The following CAMKMT variants were observed in gnomAD, a reference collection of about 807,000 sequenced individuals.
The protein encoded by CAMKMT is calmodulin-lysine N-methyltransferase, also known as CaM KMT.
In CAMKMT, 53 loss-of-function variants were observed where a neutral mutation model predicts 48.0. That is an observed-to-expected ratio of 1.10 (90% CI 0.89 to 1.39). The LOEUF is 1.39. Ranked by LOEUF, CAMKMT falls within the 40% of genes most tolerant of loss-of-function variation. The pLI is 0.00. For synonymous variants in CAMKMT, 165 were observed against 152.3 expected, an observed-to-expected ratio of 1.08 and a Z score of -0.61; for missense variants, 428 against 402.7, an observed-to-expected ratio of 1.06 and a Z score of -0.54.
At chr2:44,370,308 G>A (rs1679029827) in intron 1 of CAMKMT, among the ~76,000 whole-genome samples, 1 of 152,156 alleles carries the variant, frequency 6.6e-6, no homozygotes, top group South Asian at 2.1e-4. Context: ...TGGGCCTGGA[G>A]TTTTCTTTGT....
chr2:44,693,039 A>C (rs1676750783), intron 3 of CAMKMT, among the ~76,000 whole-genome samples: 1 of 152,126 alleles, frequency 6.6e-6, no homozygotes, highest in Non-Finnish European at 1.5e-5. Context: ...TCATCTAATT[A>C]ACTAGTAAGT....
intron 3 of CAMKMT, among the ~76,000 whole-genome samples, chr2:44,691,592 C>T (rs1205026598): frequency 2.6e-5 from 4 of 152,238 alleles, no homozygotes; most frequent in Non-Finnish European, 4.4e-5. Flanking sequence ...CCTGCTTCCA[C>T]ATGCTCCTTA....
At chr2:44,374,936 C>G (rs1230684498) in intron 2 of CAMKMT, among the ~76,000 whole-genome samples, 1 of 151,934 alleles carries the variant, frequency 6.6e-6, no homozygotes, top group East Asian at 1.9e-4. Context: ...TCAAGACTAG[C>G]CTTGGCAACA....
At chr2:44,382,628 G>T (rs760252423) in intron 2 of CAMKMT, among the ~76,000 whole-genome samples, 8 of 151,992 alleles carry the variant, frequency 5.3e-5, no homozygotes, top group Non-Finnish European at 1.2e-4. Context: ...ACAGGTGCCT[G>T]CCACCACGCC....
Position 44,503,984 on chromosome 2 carries a change from G to GGAGAGAGAGAGAGAGAGA in CAMKMT, c.376+113686_376+113703dup, listed in dbSNP as rs370141046. Reference sequence around the variant, plus strand: ...AAAGAGAGAGGGGAAGAGCGGGTGGGGAGAGAGAGAGAGAGAGAGAGAGAA... The same window carrying GGAGAGAGAGAGAGAGAGA: ...AAAGAGAGAGGGGAAGAGCGGGTGGGGAGAGAGAGAGAGAGAGAGAGAGAGAGAGAGAGAGAGAGAGAA... On this transcript the variant is annotated intron_variant, in intron 3 of 10. Transcript: ENST00000378494. 1.2e-3 allele frequency among the ~76,000 whole-genome samples: 173 copies of GGAGAGAGAGAGAGAGAGA among 142,676 alleles called. No homozygotes were observed. The Middle Eastern group carries it at 0.018, about 15-fold the overall frequency. 93.6% of individuals were successfully genotyped at this position (142,676 alleles called of 152,430 possible).
chr2:44,549,015 C>T (rs1168069380), intron 3 of CAMKMT, among the ~76,000 whole-genome samples: 1 of 152,122 alleles, frequency 6.6e-6, no homozygotes, highest in East Asian at 1.9e-4. Flanking sequence ...TTGTTATGCA[C>T]CGATAAAAAA....
chr2:44,489,276 T>A (rs1471056517), intron 3 of CAMKMT, among the ~76,000 whole-genome samples: 3 of 147,728 alleles, frequency 2.0e-5, no homozygotes, highest in African/African-American at 7.5e-5. Flanking sequence ...GATGGAGTCT[T>A]GCTCTGTCGC....
chr2:44,566,359 C>T (rs936777015), intron 3 of CAMKMT, among the ~76,000 whole-genome samples: 2 of 152,168 alleles, frequency 1.3e-5, no homozygotes, highest in African/African-American at 4.8e-5. Flanking sequence ...CAGAATTCTG[C>T]AGAAATCCAC....
At chr2:44,522,999 C>T (rs1343120595) in intron 3 of CAMKMT, among the ~76,000 whole-genome samples, 1 of 152,124 alleles carries the variant, frequency 6.6e-6, no homozygotes, top group Non-Finnish European at 1.5e-5. Flanking sequence ...CCAGTAACAT[C>T]TTTGTTACAT....
At chr2:44,455,743 A>G in intron 3 of CAMKMT, among the ~76,000 whole-genome samples, 1 of 152,076 alleles carries the variant, frequency 6.6e-6, no homozygotes, top group East Asian at 1.9e-4. Context: ...TAAGGATCAC[A>G]TGGGTTAAAC....
rs578232799 is a variant in CAMKMT at position 44,548,312 on chromosome 2, A to T, written c.377-155971A>T. 7.9e-5 allele frequency among the ~76,000 whole-genome samples: 12 copies of T among 152,256 alleles called. No homozygotes were observed. In the South Asian group the frequency reaches 2.5e-3, roughly 32 times the overall value. The stretch of plus-strand genomic sequence containing the variant: ...TGTTTCTCTGTGAATCCAGAGCCTT[A>T]AAAGCTCTGGCATTGTCTAAGACCC... On this transcript the variant is annotated intron_variant, in intron 3 of 10. Coordinates refer to ENST00000378494, the MANE Select transcript of CAMKMT (RefSeq NM_024766.5).
chr2:44,422,193 C>T (rs1683979454), intron 3 of CAMKMT, among the ~76,000 whole-genome samples: 1 of 152,144 alleles, frequency 6.6e-6, no homozygotes, highest in Admixed American at 6.5e-5. Context: ...TGTGTAGCTC[C>T]TCGCTTGCAC....
chr2:44,402,303 TG>T (rs202034874), intron 3 of CAMKMT, among the ~76,000 whole-genome samples: 62,103 of 142,378 alleles, frequency 0.44, 16,238 homozygotes, highest in Middle Eastern at 0.59. Flanking sequence ...CACCCCAGCT[TG>T]GGTGACACAG....
At chr2:44,450,136 A>G (rs1253210763) in intron 3 of CAMKMT, among the ~76,000 whole-genome samples, 2 of 152,118 alleles carry the variant, frequency 1.3e-5, no homozygotes, top group Non-Finnish European at 2.9e-5. Context: ...TCCAGTGAGC[A>G]TATAAACTAA....
chr2:44,504,027 G>T (rs1190586872), intron 3 of CAMKMT, among the ~76,000 whole-genome samples: 1 of 151,256 alleles, frequency 6.6e-6, no homozygotes, highest in Non-Finnish European at 1.5e-5. Context: ...CGGGAAGGGG[G>T]AGAGAGAGTT....
intron 3 of CAMKMT, among the ~76,000 whole-genome samples, chr2:44,438,466 C>G (rs1357783480): frequency 1.3e-5 from 2 of 152,050 alleles, no homozygotes; most frequent in Non-Finnish European, 2.9e-5. Flanking sequence ...ATTATAATTA[C>G]AAAAATAATA....
chr2:44,363,487 C>G (rs552055180), intron 1 of CAMKMT, among the ~76,000 whole-genome samples: 1 of 151,772 alleles, frequency 6.6e-6, no homozygotes, highest in Non-Finnish European at 1.5e-5. Context: ...AAATGATTCT[C>G]CTTCCTCAGT....
chr2:44,385,521 G>A lies in CAMKMT; in HGVS notation c.312-4720G>A, dbSNP rs138684815. 8.0e-4 allele frequency among the ~76,000 whole-genome samples: 122 copies of A among 152,258 alleles called. 2 individuals carry two copies. In the East Asian group the frequency reaches 0.021, roughly 26 times the overall value. The stretch of plus-strand genomic sequence containing the variant: ...ACTTCCAGTACTATGTTGAAGAGCA[G>A]TGGTGAGAGTGGGCATCCTTGTCTT... On this transcript the variant is annotated intron_variant, in intron 2 of 10. Coordinates refer to ENST00000378494, the MANE Select transcript of CAMKMT (RefSeq NM_024766.5).
chr2:44,600,621 AT>A (rs986869197), intron 3 of CAMKMT, among the ~76,000 whole-genome samples: 2 of 152,038 alleles, frequency 1.3e-5, no homozygotes, highest in African/African-American at 4.8e-5. Flanking sequence ...GCACTTTCAT[AT>A]TTAGGTACCT....
Sources: allele counts gnomAD v4.1 joint callset (sites outside exome capture counted in the v4.1 genomes callset), GRCh38; gene constraint gnomAD v4.1.1; transcripts MANE v1.5; gene names NCBI Gene and HGNC (gene_info 2026-07-23, HGNC 2026-07-21).